The following GKAP1 variants were observed in gnomAD, a reference collection of about 807,000 sequenced individuals.
The protein encoded by GKAP1 is G kinase-anchoring protein 1.
A neutral mutation model predicts 56.7 loss-of-function variants in GKAP1; 31 were observed. The ratio of observed to expected loss-of-function variants is 0.55; its 90% CI spans 0.41 to 0.74. The LOEUF is 0.74. GKAP1 is among the 30% of genes least tolerant of loss of function. The pLI is 0.00. For synonymous variants in GKAP1, 151 were observed against 138.6 expected, an observed-to-expected ratio of 1.09 and a Z score of -0.63; for missense variants, 364 against 402.3, an observed-to-expected ratio of 0.90 and a Z score of 0.82.
Position 83,739,660 on chromosome 9 carries a change from G to C in GKAP1, c.*37C>G. The C allele has an allele frequency of 6.4e-7, 1 of 1,555,648 alleles. No individual in the cohort carries two copies. Among genetic ancestry groups the C allele is most frequent in the Non-Finnish European group, 8.7e-7 (1 of 1,145,016 alleles). On this transcript the variant is annotated 3_prime_UTR_variant, in exon 13 of 13. Transcript: ENST00000376371. ...TATACAACTTTGCAAAATCCTGGAA[G>C]TTTTAAACTTTGTGTTGACTTCAAA...
chr9:83,749,380 C>A (rs1943348559), intron 9 of GKAP1, among the ~76,000 whole-genome samples: 1 of 152,060 alleles, frequency 6.6e-6, no homozygotes, highest in African/African-American at 2.4e-5. Flanking sequence ...GTGTGTGCCA[C>A]CATGACTGGC....
At chr9:83,795,156 CAAAA>C (rs1031439217) in intron 4 of GKAP1, among the ~76,000 whole-genome samples, 1 of 64,494 alleles carries the variant, frequency 1.6e-5, no homozygotes, top group Non-Finnish European at 3.0e-5. Flanking sequence ...GACTCCATCT[CAAAA>C]AAAAAAAAAA....
intron 5 of GKAP1, among the ~76,000 whole-genome samples, chr9:83,785,723 T>C (rs561255921): frequency 1.1e-4 from 17 of 152,366 alleles, no homozygotes; most frequent in African/African-American, 3.8e-4. Context: ...GCTTGGATAC[T>C]GCAACAGTCT....
At chr9:83,753,079 A>ATG (rs141957346) in intron 9 of GKAP1, among the ~76,000 whole-genome samples, 179 bp downstream of exon 9, 1 of 144,060 alleles carries the variant, frequency 6.9e-6, no homozygotes, top group Non-Finnish European at 1.5e-5. Flanking sequence ...CAACAACAAC[A>ATG]ACATAAATAA....
chr9:83,771,745 T>C (rs1166937007), intron 7 of GKAP1, among the ~76,000 whole-genome samples: 1 of 152,226 alleles, frequency 6.6e-6, no homozygotes, highest in Non-Finnish European at 1.5e-5. Context: ...CAGTATATTC[T>C]TGTAAGATTT....
chr9:83,766,617 G>C (rs1287613513), intron 8 of GKAP1, among the ~76,000 whole-genome samples: 1 of 152,166 alleles, frequency 6.6e-6, no homozygotes, highest in African/African-American at 2.4e-5. Flanking sequence ...CTGTAAGACT[G>C]AATTTACCAG....
rs1342206140 is a variant in GKAP1, at chr9:83,760,966, C to T, written c.739-7607G>A. ...AATTAATGTTAAAGAACTAGAAAAG[C>T]AAGAGCAAACCAAACACAAAATGAG... On this transcript the variant is annotated intron_variant, in intron 8 of 12. Transcript: ENST00000376371. 2.0e-5 allele frequency among the ~76,000 whole-genome samples: 3 copies of T among 151,008 alleles called. No homozygotes were observed. The East Asian group carries it at 5.8e-4, about 29-fold the overall frequency.
At chr9:83,790,827 AAAAAAG>A (rs750545438) in intron 4 of GKAP1, among the ~76,000 whole-genome samples, 237 of 152,234 alleles carry the variant, frequency 1.6e-3, no homozygotes, top group Non-Finnish European at 3.1e-3. Flanking sequence ...AAGAAAAAGA[AAAAAAG>A]AAAAAGTAAC....
chr9:83,804,964 G>T (rs1433254626), intron 3 of GKAP1, among the ~76,000 whole-genome samples: 1 of 152,212 alleles, frequency 6.6e-6, no homozygotes, highest in East Asian at 1.9e-4. Flanking sequence ...CCATCTGGGA[G>T]GTGTACCCAA....
chr9:83,778,399 C>T (rs1425132597), intron 7 of GKAP1, among the ~76,000 whole-genome samples: 1 of 152,164 alleles, frequency 6.6e-6, no homozygotes. Flanking sequence ...TCTGCAGGGA[C>T]ATGGATAGAG....
chr9:83,794,934 T>A (rs1944219336), intron 4 of GKAP1, among the ~76,000 whole-genome samples: 2 of 151,472 alleles, frequency 1.3e-5, no homozygotes, highest in Admixed American at 1.3e-4. Context: ...GAGGGGAGGA[T>A]CATCTGAGGT....
At chr9:83,740,126 C>T (rs1205287845) in intron 12 of GKAP1, among the ~76,000 whole-genome samples, 1 of 151,998 alleles carries the variant, frequency 6.6e-6, no homozygotes, top group Admixed American at 6.6e-5. Flanking sequence ...AGTTCATTAC[C>T]TTTTGGGTAA....
In GKAP1 at chr9:83,755,167, T is replaced by C. The variant is rs182845178; in HGVS notation, c.739-1808A>G. ...TAGGAATTTATCTCCAATAGATAAA[T>C]GAGGTAGGGAAGTATCTATGAAAAG... is the stretch of plus-strand genomic sequence containing the variant. On this transcript the variant is annotated intron_variant, in intron 8 of 12. Coordinates refer to ENST00000376371, the MANE Select transcript of GKAP1 (RefSeq NM_025211.4). Among the ~76,000 whole-genome samples, 42 of 152,244 alleles carry C rather than the reference T, an allele frequency of 2.8e-4. No individual in the cohort carries two copies. The East Asian group carries it at 7.0e-3, about 25-fold the overall frequency.
At position 83,774,586 on chromosome 9, in the gene GKAP1, C is replaced by G. The variant is rs1470092413; in HGVS notation, c.586-5616G>C. Among the ~76,000 whole-genome samples, 3 of 150,110 alleles carry G rather than the reference C, an allele frequency of 2.0e-5. No homozygotes were observed. The East Asian group carries it at 5.9e-4, about 30-fold the overall frequency. On this transcript the variant is annotated intron_variant, in intron 7 of 12. Coordinates refer to ENST00000376371, the MANE Select transcript of GKAP1 (RefSeq NM_025211.4). ...TCCAGCCTGGGTGACAGAGCAAGAC[C>G]CTGTCTCAAAAAAAAAAAAAGCCAA...
Position 83,806,568 on chromosome 9 carries a change from GAGGCAGAAGAGT to G in GKAP1, c.-43-20_-43-9del. ...TTCTGTCAAGAATAATTTCTGTGGGGAGGCAGAAGAGTAGGCAGATGGGTAAACAAACAGAGT... is the reference window on the plus strand; with the variant it reads ...TTCTGTCAAGAATAATTTCTGTGGGGAGGCAGATGGGTAAACAAACAGAGT... On this transcript the variant is annotated splice_polypyrimidine_tract_variant and intron_variant, in intron 2 of 12. Transcript: ENST00000376371. 1 of 1,491,704 alleles carries G rather than the reference GAGGCAGAAGAGT, an allele frequency of 6.7e-7. No individual in the cohort carries two copies. Among genetic ancestry groups the G allele is most frequent in the African/African-American group, 1.4e-5 (1 of 71,794 alleles). The allele number at this position is 1,491,704 out of a possible 1,614,324, so 92.4% of individuals were successfully genotyped here.
At chr9:83,754,849 C>G (rs1414342897) in intron 8 of GKAP1, among the ~76,000 whole-genome samples, 1 of 152,110 alleles carries the variant, frequency 6.6e-6, no homozygotes, top group Non-Finnish European at 1.5e-5. Flanking sequence ...GCAAAGGATC[C>G]CTTTCCATGC....
intron 7 of GKAP1, among the ~76,000 whole-genome samples, chr9:83,774,593 C>CAA (rs536622445): frequency 1.3e-5 from 1 of 76,850 alleles, no homozygotes; most frequent in African/African-American, 5.0e-5. Context: ...GACCCTGTCT[C>CAA]AAAAAAAAAA....
intron 3 of GKAP1, among the ~76,000 whole-genome samples, chr9:83,800,314 T>G (rs1587735173): frequency 6.7e-6 from 1 of 148,768 alleles, no homozygotes; most frequent in African/African-American, 2.5e-5. Flanking sequence ...AAGTTTAGCC[T>G]AAAGCTGCCT....
chr9:83,804,770 CGCCTCTGCCCGGCCGCCCCT>C lies in GKAP1; in HGVS notation c.216+1512_216+1531del, dbSNP rs1406216020. On this transcript the variant is annotated intron_variant, in intron 3 of 12. Coordinates refer to ENST00000376371, the MANE Select transcript of GKAP1 (RefSeq NM_025211.4). The stretch of plus-strand genomic sequence containing the variant: ...GCCACCCCGTCCGGGAGGTGAGGGG[CGCCTCTGCCCGGCCGCCCCT>C]ACTGGGAAGTGAGGAGCCCCTCTGC... Among the ~76,000 whole-genome samples the C allele has an allele frequency of 2.9e-3, 435 of 148,378 alleles. 10 individuals carry two copies. Among genetic ancestry groups the C allele is most frequent in the African/African-American group, 0.01 (407 of 40,264 alleles).
Sources: gnomAD v4.1 joint callset for allele counts (sites outside exome capture counted in the v4.1 genomes callset) on GRCh38, gnomAD v4.1.1 for gene constraint, MANE v1.5 for transcripts, NCBI Gene and HGNC (gene_info 2026-07-23, HGNC 2026-07-21) for gene names.